Variants in MS4A6A observed in about 807,000 individuals in gnomAD.
MS4A6A encodes membrane-spanning 4-domains subfamily A member 6A.
A neutral mutation model predicts 20.6 loss-of-function variants in MS4A6A; 19 were observed. That is an observed-to-expected ratio of 0.92 (90% CI 0.64 to 1.36). MS4A6A has a LOEUF of 1.36. MS4A6A is among the 40% of genes most tolerant of loss of function. The probability of loss-of-function intolerance (pLI) is 0.00; values close to 1 mark genes in which losing one functional copy is unlikely to be tolerated. For synonymous variants in MS4A6A, 108 were observed against 105.0 expected, an observed-to-expected ratio of 1.03 and a Z score of -0.17; for missense variants, 272 against 261.1, an observed-to-expected ratio of 1.04 and a Z score of -0.29.
chr11:60,177,496 C>T (rs1370461180), intron 4 of MS4A6A: 1 of 152,124 alleles, frequency 6.6e-6, no homozygotes, highest in East Asian at 1.9e-4. Context: ...CAGGCTTTGT[C>T]TCCCTGCCAC....
Position 60,175,409 on chromosome 11 carries a change from C to T in MS4A6A, c.542G>A (p.Ser181Asn), listed in dbSNP as rs763824515. The T allele has an allele frequency of 2.5e-6, 4 of 1,610,644 alleles. No homozygotes were observed. In the East Asian group the frequency reaches 6.7e-5, roughly 27 times the overall value. Residue 181 changes from serine (S) to asparagine (N), a missense_variant, in exon 5 of 6, where the codon AGT becomes AAT. Ser to Asn is a conservative substitution (Grantham distance 46). Coordinates refer to ENST00000528851, the MANE Select transcript of MS4A6A (RefSeq NM_022349.4). Reference protein sequence around the residue: ...YTTDCYTAKASLAGTLSLMLI... With the variant: ...YTTDCYTAKANLAGTLSLMLI... ...CCATCTAAAAATACTTACAGCCAGA[C>T]TGGCTTTGGCTGTATAGCAGTCCGT...
At position 60,177,674 on chromosome 11, in the gene MS4A6A, T is replaced by C. The variant is rs117955515; in HGVS notation, c.339+586A>G. Among the ~76,000 whole-genome samples the C allele has an allele frequency of 5.1e-3, 770 of 152,244 alleles. 3 individuals carry two copies. The highest frequency in any genetic ancestry group is 8.5e-3 in the Non-Finnish European group (581 of 68,024). On this transcript the variant is annotated intron_variant, in intron 4 of 5. Transcript: ENST00000528851. ...TAAAAGTATTATACTTCTGGTGAGATAGATGAAAGGATACAGTCAGCCAGC... is the reference window on the plus strand; with the variant it reads ...TAAAAGTATTATACTTCTGGTGAGACAGATGAAAGGATACAGTCAGCCAGC...
At chr11:60,181,873 T>C (rs1401896902) in intron 1 of MS4A6A, 132 bp from the exon 2 acceptor site, 2 of 858,682 alleles carry the variant, frequency 2.3e-6, no homozygotes, top group South Asian at 1.7e-5. Context: ...ACTGATAGTA[T>C]GGAACAGTGA....
At position 60,172,991 on chromosome 11, in the gene MS4A6A, C is replaced by G; in HGVS notation, c.*10G>C. 1 of 1,613,816 alleles carries G rather than the reference C, an allele frequency of 6.2e-7. No homozygotes were observed. The highest frequency in any genetic ancestry group is 8.5e-7 in the Non-Finnish European group (1 of 1,179,802). Reference sequence around the variant, plus strand: ...CAACACAGTGCAGGGATAAGATACACTAGGCAAGGTTAAGTGAAGCCGGCC... The same window carrying G: ...CAACACAGTGCAGGGATAAGATACAGTAGGCAAGGTTAAGTGAAGCCGGCC... On this transcript the variant is annotated 3_prime_UTR_variant, in exon 6 of 6. Coordinates refer to ENST00000528851, the MANE Select transcript of MS4A6A (RefSeq NM_022349.4).
At chr11:60,178,957 T>C (rs1198890892) in intron 3 of MS4A6A, 1 of 293,430 alleles carries the variant, frequency 3.4e-6, no homozygotes, top group Non-Finnish European at 6.6e-6. Context: ...TAGAGGACCC[T>C]GAGGAGACAT....
intron 2 of MS4A6A, chr11:60,180,196 T>C: frequency 1.8e-6 from 1 of 564,430 alleles, no homozygotes; most frequent in South Asian, 2.3e-5. Flanking sequence ...GGAAGGCTTC[T>C]GCATTTCTGC....
intron 4 of MS4A6A, among the ~76,000 whole-genome samples, chr11:60,177,777 C>A (rs894471317): frequency 6.6e-6 from 1 of 151,978 alleles, no homozygotes; most frequent in Non-Finnish European, 1.5e-5. Context: ...GACATCAGGC[C>A]TAAATGTAAT....
At chr11:60,181,513 C>T (rs1214777455) in intron 2 of MS4A6A, 68 bp downstream of exon 2, 3 of 1,585,206 alleles carry the variant, frequency 1.9e-6, no homozygotes, top group South Asian at 1.2e-5. Flanking sequence ...GATGTCCAGT[C>T]CCAAGACATA....
chr11:60,181,568 G>A lies in MS4A6A; in HGVS notation c.147+13C>T, dbSNP rs1433907849. On this transcript the variant is annotated intron_variant, in intron 2 of 5. Coordinates refer to ENST00000528851, the MANE Select transcript of MS4A6A (RefSeq NM_022349.4). ...CCCCAACCCCTCTCCAACACGTTCT[G>A]AATTAGATTTACCCCAATAACTTTG... is the stretch of plus-strand genomic sequence containing the variant. 1 of 1,613,840 alleles carries A rather than the reference G, an allele frequency of 6.2e-7. No homozygotes were observed. The highest frequency in any genetic ancestry group is 1.1e-5 in the South Asian group (1 of 91,062).
intron 4 of MS4A6A, chr11:60,178,032 G>C (rs758752235): frequency 6.9e-5 from 36 of 524,014 alleles, no homozygotes; most frequent in Middle Eastern, 1.0e-3. Context: ...TGGGCAGAGG[G>C]AATATTATAA....
At position 60,175,539 on chromosome 11, in the gene MS4A6A, T is replaced by A. The variant is rs1210678581; in HGVS notation, c.412A>T (p.Lys138Ter). Residue 138 changes from lysine (K) to a stop codon, truncating the protein, a stop_gained, in exon 5 of 6, where the codon AAA (lysine) becomes TAA (stop). Coordinates refer to ENST00000528851, the MANE Select transcript of MS4A6A (RefSeq NM_022349.4). LOFTEE classifies it high-confidence loss of function. Reference sequence around the variant, plus strand: ...GAGGCAGGATTTAAGGTGGCCTGTTTGACAGACAGGATAATGAAACCCACC... The same window carrying A: ...GAGGCAGGATTTAAGGTGGCCTGTTAGACAGACAGGATAATGAAACCCACC... ...ALVGFIILSV[K>*]QATLNPASLQ... is the part of the protein sequence containing the mutation. 1 of 1,614,192 alleles carries A rather than the reference T, an allele frequency of 6.2e-7. No homozygotes were observed. The highest frequency in any genetic ancestry group is 8.5e-7 in the Non-Finnish European group (1 of 1,180,028).
chr11:60,181,306 G>A (rs1408205965), intron 2 of MS4A6A: 1 of 471,460 alleles, frequency 2.1e-6, no homozygotes, highest in East Asian at 4.0e-5. Flanking sequence ...CATTACTTTT[G>A]TAAAAGAAAA....
At position 60,175,436 on chromosome 11, in the gene MS4A6A, G is replaced by C; in HGVS notation, c.515C>G (p.Thr172Ser). 6.2e-7 allele frequency: 1 copy of C among 1,614,094 alleles called. No individual in the cohort carries two copies. Among genetic ancestry groups the C allele is most frequent in the Non-Finnish European group, 8.5e-7 (1 of 1,179,968 alleles). The change falls in exon 5 of 6, where the codon ACC becomes AGC. Residue 172 changes from threonine (T) to serine (S), a missense_variant. Transcript: ENST00000528851. ...VSYFYHDSLY[T>S]TDCYTAKASL... ...GGCTTTGGCTGTATAGCAGTCCGTG[G>C]TATAAAGTGAATCATGATAAAAGTA...
In MS4A6A at chr11:60,172,637, A is replaced by G; in HGVS notation, c.*364T>C. 1 of 1,153,422 alleles carries G rather than the reference A, an allele frequency of 8.7e-7. No individual in the cohort carries two copies. The highest frequency in any genetic ancestry group is 1.1e-6 in the Non-Finnish European group (1 of 929,352). The allele number at this position is 1,153,422 out of a possible 1,614,324, so 71.4% of individuals were successfully genotyped here. A position where few individuals can be genotyped will look rare whatever the true frequency, so the allele number is the denominator to read the frequency against. On this transcript the variant is annotated 3_prime_UTR_variant, in exon 6 of 6. Coordinates refer to ENST00000528851, the MANE Select transcript of MS4A6A (RefSeq NM_022349.4). ...CCCTTTACCAAGTCAATACTATTAAAGAGACTAGTGGTTGTGGCAGAAATT... is the reference window on the plus strand; with the variant it reads ...CCCTTTACCAAGTCAATACTATTAAGGAGACTAGTGGTTGTGGCAGAAATT...
At chr11:60,181,912 T>C (rs1392482328) in intron 1 of MS4A6A, among the ~76,000 whole-genome samples, 171 bp from the exon 2 acceptor site, 6 of 152,154 alleles carry the variant, frequency 3.9e-5, no homozygotes, top group Non-Finnish European at 5.9e-5. Flanking sequence ...TTCATGAGGA[T>C]TTTTCCATAA....
chr11:60,181,796 G>C lies in MS4A6A; in HGVS notation c.-14-55C>G, dbSNP rs919011398. 8 of 1,565,532 alleles carry C rather than the reference G, an allele frequency of 5.1e-6. No individual in the cohort carries two copies. The African/African-American group carries it at 1.1e-4, about 21-fold the overall frequency. ...AAAAAGTACAGAGCTCCCAGGTTCT[G>C]ACTCCAAAAACAGTAACTCAGTCTT... On this transcript the variant is annotated intron_variant, in intron 1 of 5. Coordinates refer to ENST00000528851, the MANE Select transcript of MS4A6A (RefSeq NM_022349.4).
upstream of MS4A6A, chr11:60,183,261 A>G: frequency 7.7e-7 from 1 of 1,303,114 alleles, no homozygotes; most frequent in East Asian, 2.5e-5. Context: ...CTTATGTGTG[A>G]ATTGCCACTT....
intron 4 of MS4A6A, among the ~76,000 whole-genome samples, chr11:60,176,005 G>A (rs1026193224): frequency 6.6e-6 from 1 of 152,162 alleles, no homozygotes; most frequent in Admixed American, 6.5e-5. Flanking sequence ...AACCCCTGGC[G>A]GAAGCATCAG....
chr11:60,178,268 T>C lies in MS4A6A; in HGVS notation c.331A>G (p.Lys111Glu). ...LSIATEKRLT[K>E]LLVHSSLVGS... ...ATAGCTCTCTTACTCACCAAAAGCT[T>C]GGTTAACCTTTTCTCTGTGGCGATT... The change falls in exon 4 of 6, where the codon AAG becomes GAG. Residue 111 changes from lysine to glutamate, a missense_variant. Coordinates refer to ENST00000528851, the MANE Select transcript of MS4A6A (RefSeq NM_022349.4). The C allele has an allele frequency of 6.2e-7, 1 of 1,613,122 alleles. No homozygotes were observed. Among genetic ancestry groups the C allele is most frequent in the African/African-American group, 1.3e-5 (1 of 75,012 alleles).
Sources: gnomAD v4.1 joint callset for allele counts (sites outside exome capture counted in the v4.1 genomes callset) on GRCh38, gnomAD v4.1.1 for gene constraint, MANE v1.5 for transcripts, NCBI Gene and HGNC (gene_info 2026-07-23, HGNC 2026-07-21) for gene names.